Variants in C2orf74 observed in about 807,000 individuals in gnomAD.
C2orf74 encodes uncharacterized protein C2orf74.
Under a neutral mutation model 17.9 loss-of-function variants are expected in C2orf74, and 14 were observed. The ratio of observed to expected loss-of-function variants is 0.78; its 90% confidence interval spans 0.52 to 1.22. C2orf74 has a LOEUF of 1.22. Ranked by LOEUF, C2orf74 falls within the 50% of genes most tolerant of loss-of-function variation. The pLI is 0.00. For synonymous variants in C2orf74, 79 were observed against 72.6 expected (o/e 1.09, Z -0.44); for missense variants, 217 against 218.4 (o/e 0.99, Z 0.04).
At chr2:61,157,274 C>G (rs927256447), upstream of C2orf74, among the ~76,000 whole-genome samples, 15 of 152,200 alleles carry the variant, frequency 9.9e-5, no homozygotes, top group African/African-American at 3.1e-4. Context: ...CTCCTGGACT[C>G]AAGTGATCCA....
intron 4 of C2orf74, 22 bp downstream of exon 4, chr2:61,163,254 A>C (rs1290880366): frequency 6.5e-7 from 1 of 1,544,898 alleles, no homozygotes; most frequent in Admixed American, 2.0e-5. Context: ...TTCTACTCTC[A>C]AAGAGCAGTT....
chr2:61,156,514 CAG>C (rs1182501436), intron 1 of C2orf74, among the ~76,000 whole-genome samples: 1 of 152,070 alleles, frequency 6.6e-6, no homozygotes, highest in Non-Finnish European at 1.5e-5. Flanking sequence ...ATTTTAATAT[CAG>C]AGTTGTAGTC....
chr2:61,154,631 AC>A (rs1238885582), intron 1 of C2orf74, among the ~76,000 whole-genome samples: 1 of 152,168 alleles, frequency 6.6e-6, no homozygotes, highest in Non-Finnish European at 1.5e-5. Flanking sequence ...AAATCCAAAA[AC>A]ATCCTAAAAA....
chr2:61,148,733 T>C (rs1238152567), intron 1 of C2orf74, among the ~76,000 whole-genome samples: 1 of 152,196 alleles, frequency 6.6e-6, no homozygotes, highest in Non-Finnish European at 1.5e-5. Context: ...TTTTGTTTTT[T>C]TGAGATGGAT....
At position 61,163,097 on chromosome 2, in the gene C2orf74, C is replaced by A. The variant is rs1685616285; in HGVS notation, c.255C>A (p.Gly85=). 2 of 1,552,000 alleles carry A rather than the reference C, an allele frequency of 1.3e-6. No homozygotes were observed. Among genetic ancestry groups the A allele is most frequent in the Admixed American group, 2.0e-5 (1 of 50,972 alleles). ...ACTTGAATGTGCCGATGAGGCCTGGCATTCTTGTCCAGAGACAGAGTAAGG... is the reference window on the plus strand; with the variant it reads ...ACTTGAATGTGCCGATGAGGCCTGGAATTCTTGTCCAGAGACAGAGTAAGG... ...VMNLNVPMRP[G]ILVQRQSKEV... is the part of the protein sequence containing the mutation. The change falls in exon 4 of 5, where the codon GGC becomes GGA. Residue 85 remains glycine, a synonymous_variant. Transcript: ENST00000432605.
At chr2:61,156,348 G>A (rs943037488) in intron 1 of C2orf74, among the ~76,000 whole-genome samples, 1 of 151,658 alleles carries the variant, frequency 6.6e-6, no homozygotes, top group African/African-American at 2.4e-5. Context: ...GACCACCCTG[G>A]GCAACATGGC....
At chr2:61,164,299 A>G (rs917428948) in intron 4 of C2orf74, 55 bp from the exon 5 acceptor site, 135 of 1,391,166 alleles carry the variant, frequency 9.7e-5, no homozygotes, top group Non-Finnish European at 1.3e-4. Context: ...TTTTAAAAGC[A>G]GGGCTTGTCA....
chr2:61,160,866 T>C (rs1685544032), upstream of C2orf74, among the ~76,000 whole-genome samples: 1 of 152,254 alleles, frequency 6.6e-6, no homozygotes, highest in Non-Finnish European at 1.5e-5. Flanking sequence ...AATTCTGCCA[T>C]GAGCAAGGGT....
chr2:61,146,710 T>G (rs1299994399), intron 1 of C2orf74, among the ~76,000 whole-genome samples: 1 of 152,132 alleles, frequency 6.6e-6, no homozygotes, highest in Non-Finnish European at 1.5e-5. Flanking sequence ...GGCGCATGCC[T>G]GTGGTCCCAG....
chr2:61,160,508 T>A (rs2103641241), upstream of C2orf74, among the ~76,000 whole-genome samples: 1 of 151,346 alleles, frequency 6.6e-6, no homozygotes, highest in African/African-American at 2.4e-5. Context: ...TGAGTGTATA[T>A]ACCACTTTTT....
At chr2:61,159,195 A>T, upstream of C2orf74, 1 of 232,144 alleles carries the variant, frequency 4.3e-6, no homozygotes, top group Non-Finnish European at 8.9e-6. Flanking sequence ...ATGGGGTTTC[A>T]CCATGTTAGC....
chr2:61,154,793 G>A (rs1046901766), intron 1 of C2orf74, among the ~76,000 whole-genome samples: 1 of 152,116 alleles, frequency 6.6e-6, no homozygotes, highest in Non-Finnish European at 1.5e-5. Context: ...GGTGGCTCAT[G>A]CCTATGATCC....
At chr2:61,148,092 G>A (rs992183557) in intron 1 of C2orf74, among the ~76,000 whole-genome samples, 3 of 148,092 alleles carry the variant, frequency 2.0e-5, no homozygotes, top group Non-Finnish European at 4.5e-5. Context: ...TTTAACTTTG[G>A]AAAGGAATAT....
chr2:61,145,873 A>T (rs1685054941), intron 1 of C2orf74, among the ~76,000 whole-genome samples: 3 of 152,190 alleles, frequency 2.0e-5, no homozygotes, highest in Non-Finnish European at 1.5e-5. Context: ...GCAAATCATC[A>T]TGATTGGTGA....
intron 1 of C2orf74, among the ~76,000 whole-genome samples, chr2:61,155,800 G>T (rs573518857): frequency 1.3e-5 from 2 of 151,432 alleles, no homozygotes; most frequent in Non-Finnish European, 2.9e-5. Flanking sequence ...GATTACAGGC[G>T]TGAGCCACCG....
At chr2:61,147,880 G>A (rs1339105326) in intron 1 of C2orf74, among the ~76,000 whole-genome samples, 2 of 151,716 alleles carry the variant, frequency 1.3e-5, no homozygotes, top group East Asian at 3.9e-4. Flanking sequence ...CAATTCTCCT[G>A]CCTCATCCTC....
chr2:61,162,012 A>C (rs1685575298), upstream of C2orf74: 1 of 158,066 alleles, frequency 6.3e-6, no homozygotes, highest in African/African-American at 2.4e-5. Context: ...AATGGCCTCT[A>C]ACCTGGACCT....
intron 1 of C2orf74, among the ~76,000 whole-genome samples, chr2:61,147,533 A>G (rs1685106502): frequency 1.3e-5 from 2 of 152,052 alleles, no homozygotes; most frequent in South Asian, 4.1e-4. Context: ...TTTTTTGTCA[A>G]TCCTGTGGTA....
chr2:61,159,155 C>G (rs957577522), upstream of C2orf74, among the ~76,000 whole-genome samples: 2 of 151,942 alleles, frequency 1.3e-5, no homozygotes, highest in African/African-American at 2.4e-5. Context: ...TGCCACCACA[C>G]CCGGCTAATT....
Sources: allele counts gnomAD v4.1 joint callset (sites outside exome capture counted in the v4.1 genomes callset), GRCh38; gene constraint gnomAD v4.1.1; transcripts MANE v1.5; gene names NCBI Gene and HGNC (gene_info 2026-07-23, HGNC 2026-07-21).